Variants in L3MBTL4 observed in about 807,000 individuals in gnomAD.
The protein encoded by L3MBTL4 is lethal(3)malignant brain tumor-like protein 4.
In L3MBTL4, 70 loss-of-function variants were observed where a neutral mutation model predicts 84.5. The observed-to-expected ratio is 0.83, with a 90% CI of 0.68 to 1.01. The LOEUF (loss-of-function observed/expected upper bound fraction) is 1.01. Among genes scored for constraint, L3MBTL4 ranks in the 50% least tolerant of loss-of-function variants. L3MBTL4 has a pLI of 0.00. For synonymous variants in L3MBTL4, 274 were observed against 259.8 expected (o/e 1.05, Z -0.52); for missense variants, 715 against 754.8 (o/e 0.95, Z 0.62).
intron 12 of L3MBTL4, among the ~76,000 whole-genome samples, chr18:6,195,635 G>C (rs1459338292): frequency 2.6e-5 from 4 of 152,122 alleles, no homozygotes; most frequent in African/African-American, 9.7e-5. Flanking sequence ...AGTTGAAAAA[G>C]GCAGAAATTT....
chr18:5,974,947 G>A lies in L3MBTL4; in HGVS notation c.1445-5385C>T, dbSNP rs940789217. ...CCACTGCATCCCAGTTTGGGTGACA[G>A]AGAAACCCTGTCTCTATTGTTTTGT... On this transcript the variant is annotated intron_variant, in intron 16 of 18. Transcript: ENST00000317931. Among the ~76,000 whole-genome samples the A allele has an allele frequency of 8.5e-5, 13 of 152,188 alleles. No homozygotes were observed. In the South Asian group the frequency reaches 2.1e-3, roughly 24 times the overall value.
intron 3 of L3MBTL4, among the ~76,000 whole-genome samples, chr18:6,311,212 C>T (rs1330619870): frequency 6.6e-6 from 1 of 152,012 alleles, no homozygotes; most frequent in Non-Finnish European, 1.5e-5. Flanking sequence ...CACATATACA[C>T]ATACGGTCAT....
At chr18:5,991,986 G>GCATCCATC (rs35529758) in intron 16 of L3MBTL4, among the ~76,000 whole-genome samples, 3,605 of 149,082 alleles carry the variant, frequency 0.024, 50 homozygotes, top group Middle Eastern at 0.077. Context: ...TCCATCCAGT[G>GCATCCATC]CATCCATCCA....
chr18:6,411,311 C>T (rs1171763219), intron 1 of L3MBTL4, among the ~76,000 whole-genome samples: 2 of 152,026 alleles, frequency 1.3e-5, no homozygotes, highest in Non-Finnish European at 2.9e-5. Flanking sequence ...GAGGTATGTT[C>T]CTATAATAAA....
At chr18:6,318,764 A>G (rs1426754027) in intron 1 of L3MBTL4, among the ~76,000 whole-genome samples, 1 of 152,050 alleles carries the variant, frequency 6.6e-6, no homozygotes, top group Non-Finnish European at 1.5e-5. Context: ...ATTAAACTAC[A>G]TGATAGAACA....
At chr18:6,362,902 GT>G (rs965728913) in intron 1 of L3MBTL4, among the ~76,000 whole-genome samples, 11 of 152,368 alleles carry the variant, frequency 7.2e-5, no homozygotes, top group Admixed American at 7.2e-4. Context: ...AGAAGGAAGT[GT>G]GGGCGCATGC....
intron 14 of L3MBTL4, among the ~76,000 whole-genome samples, chr18:6,105,816 AAT>A (rs1330646141): frequency 1.3e-4 from 19 of 151,766 alleles, no homozygotes; most frequent in African/African-American, 4.1e-4. Flanking sequence ...AAAAAAAAAA[AAT>A]GAAAAAAGAC....
intron 16 of L3MBTL4, among the ~76,000 whole-genome samples, chr18:6,070,841 A>AT: frequency 6.6e-6 from 1 of 152,174 alleles, no homozygotes; most frequent in Non-Finnish European, 1.5e-5. Flanking sequence ...CTGTCTAAAA[A>AT]AATAATAATA....
intron 1 of L3MBTL4, among the ~76,000 whole-genome samples, chr18:6,388,908 A>G (rs550653549): frequency 2.1e-3 from 327 of 152,184 alleles, no homozygotes; most frequent in African/African-American, 7.5e-3. Context: ...GGCAAAAGAG[A>G]AGGAGGAGCA....
chr18:6,154,123 C>A (rs1568212637), intron 13 of L3MBTL4, among the ~76,000 whole-genome samples: 1 of 152,116 alleles, frequency 6.6e-6, no homozygotes, highest in Non-Finnish European at 1.5e-5. Context: ...AAAGTAGGCA[C>A]CCGTGTCTTG....
chr18:6,332,574 G>T (rs1972219947), intron 1 of L3MBTL4, among the ~76,000 whole-genome samples: 2 of 152,182 alleles, frequency 1.3e-5, no homozygotes, highest in African/African-American at 4.8e-5. Context: ...ATTCTTATCA[G>T]AAATACTGTG....
chr18:6,147,615 CAT>C (rs2042711457), intron 13 of L3MBTL4, among the ~76,000 whole-genome samples: 1 of 152,134 alleles, frequency 6.6e-6, no homozygotes, highest in Non-Finnish European at 1.5e-5. Context: ...ATCTGCCTGA[CAT>C]AGGGATATGT....
intron 13 of L3MBTL4, among the ~76,000 whole-genome samples, chr18:6,161,285 G>T (rs1398711290): frequency 1.3e-5 from 2 of 152,192 alleles, no homozygotes; most frequent in Non-Finnish European, 2.9e-5. Context: ...ATCATCTGTA[G>T]TTAGGAACAG....
intron 16 of L3MBTL4, among the ~76,000 whole-genome samples, chr18:5,980,190 G>A (rs1401233979): frequency 3.3e-5 from 5 of 152,220 alleles, no homozygotes; most frequent in African/African-American, 1.2e-4. Context: ...CAAGTGGCTT[G>A]TTCTGGGAAC....
intron 17 of L3MBTL4, among the ~76,000 whole-genome samples, chr18:5,961,495 C>T (rs1344048377): frequency 6.6e-6 from 1 of 152,170 alleles, no homozygotes; most frequent in Non-Finnish European, 1.5e-5. Flanking sequence ...TCAGCATGTC[C>T]ATGTCTGCTT....
chr18:6,220,086 A>C (rs2046487112), intron 10 of L3MBTL4, among the ~76,000 whole-genome samples: 1 of 152,182 alleles, frequency 6.6e-6, no homozygotes, highest in South Asian at 2.1e-4. Context: ...ACTGAGATCT[A>C]GGGAGATTAC....
At chr18:6,180,532 C>A (rs965806041) in intron 12 of L3MBTL4, among the ~76,000 whole-genome samples, 1 of 152,176 alleles carries the variant, frequency 6.6e-6, no homozygotes, top group Non-Finnish European at 1.5e-5. Context: ...AATATAGTTG[C>A]TTCCATCTTC....
At chr18:6,011,662 T>G (rs1009334130) in intron 16 of L3MBTL4, among the ~76,000 whole-genome samples, 1 of 152,222 alleles carries the variant, frequency 6.6e-6, no homozygotes, top group African/African-American at 2.4e-5. Flanking sequence ...TATCATACCC[T>G]TCGGTGCCTC....
intron 14 of L3MBTL4, among the ~76,000 whole-genome samples, chr18:6,098,639 A>G (rs1006255506): frequency 6.6e-6 from 1 of 152,196 alleles, no homozygotes; most frequent in African/African-American, 2.4e-5. Context: ...CAGATGTGGA[A>G]ACGTGGCTTC....
Sources: allele counts gnomAD v4.1 joint callset (sites outside exome capture counted in the v4.1 genomes callset), GRCh38; gene constraint gnomAD v4.1.1; transcripts MANE v1.5; gene names NCBI Gene and HGNC (gene_info 2026-07-23, HGNC 2026-07-21).